Variants in ITPR2 observed in about 807,000 individuals in gnomAD.
ITPR2 encodes inositol 1,4,5-trisphosphate-gated calcium channel ITPR2.
A neutral mutation model predicts 317.1 loss-of-function variants in ITPR2; 207 were observed. The ratio of observed to expected loss-of-function variants is 0.65; its 90% CI spans 0.58 to 0.73. The LOEUF (loss-of-function observed/expected upper bound fraction) is 0.73, where lower values mean the gene tolerates loss of function less well. ITPR2 is among the 30% of genes least tolerant of loss of function. The pLI is 0.00. For missense variants in ITPR2, 2,613 were observed against 3,284.0 expected (o/e 0.80, Z 4.99); for synonymous variants, 1,156 against 1,149.1 (o/e 1.01, Z -0.12).
intron 2 of ITPR2, among the ~76,000 whole-genome samples, chr12:26,747,532 T>C (rs1444071375): frequency 1.3e-5 from 2 of 152,244 alleles, no homozygotes; most frequent in African/African-American, 2.4e-5. Flanking sequence ...ATGTTACTCA[T>C]GCAAATGTTA....
intron 45 of ITPR2, among the ~76,000 whole-genome samples, chr12:26,456,074 A>G (rs1209495185): frequency 6.6e-6 from 1 of 152,218 alleles, no homozygotes; most frequent in Non-Finnish European, 1.5e-5. Context: ...GAGTAACTCC[A>G]TCTTAAACGG....
rs368864862 is a variant in ITPR2, at chr12:26,465,832, T to C, written c.6342+9464A>G. On this transcript the variant is annotated intron_variant, in intron 45 of 56. Coordinates refer to ENST00000381340, the MANE Select transcript of ITPR2 (RefSeq NM_002223.4). The stretch of plus-strand genomic sequence containing the variant: ...CCTACCCACCCCACAACTGCATCTA[T>C]AAAGCACATGCCCCAAAAGGAATCA... 6.6e-5 allele frequency among the ~76,000 whole-genome samples: 10 copies of C among 152,234 alleles called. 1 individual carries two copies. In the East Asian group the frequency reaches 9.7e-4, roughly 15 times the overall value.
intron 37 of ITPR2, among the ~76,000 whole-genome samples, chr12:26,520,963 G>C (rs1943646407): frequency 6.6e-6 from 1 of 152,152 alleles, no homozygotes. Context: ...CTCCTTTTTA[G>C]AGCATCTGGA....
At chr12:26,463,901 C>G (rs960809666) in intron 45 of ITPR2, among the ~76,000 whole-genome samples, 1 of 152,140 alleles carries the variant, frequency 6.6e-6, no homozygotes, top group Non-Finnish European at 1.5e-5. Flanking sequence ...AGAGAAGCTG[C>G]TCTCACACAC....
intron 1 of ITPR2, among the ~76,000 whole-genome samples, chr12:26,811,922 G>C (rs1023665004): frequency 1.3e-5 from 2 of 150,080 alleles, no homozygotes; most frequent in African/African-American, 4.9e-5. Context: ...CCAGCACTTT[G>C]GGAGGCCAAG....
At chr12:26,824,797 T>A (rs1950986828) in intron 1 of ITPR2, among the ~76,000 whole-genome samples, 1 of 152,218 alleles carries the variant, frequency 6.6e-6, no homozygotes, top group Admixed American at 6.5e-5. Context: ...CCATATATAT[T>A]GTTTTGAATA....
intron 37 of ITPR2, among the ~76,000 whole-genome samples, chr12:26,530,929 A>AT (rs988982743): frequency 1.4e-4 from 21 of 152,154 alleles, no homozygotes; most frequent in African/African-American, 4.8e-4. Context: ...TAAATCATAA[A>AT]TTTTTTCAGA....
rs150425593 is a variant in ITPR2, at chr12:26,774,010, T to TTTTC, written c.163+16146_163+16147insGAAA. ...TTTTTTTTTTTTTTTTTTTTTTTTTTAGTATAAAGCATGTAACTCCTGACT... is the reference window on the plus strand; with the variant it reads ...TTTTTTTTTTTTTTTTTTTTTTTTTTTTTCAGTATAAAGCATGTAACTCCTGACT... On this transcript the variant is annotated intron_variant, in intron 2 of 56. Coordinates refer to ENST00000381340, the MANE Select transcript of ITPR2 (RefSeq NM_002223.4). Among the ~76,000 whole-genome samples the TTTTC allele has an allele frequency of 3.9e-4, 44 of 112,114 alleles. 4 individuals carry two copies. Among genetic ancestry groups the TTTTC allele is most frequent in the Non-Finnish European group, 6.4e-4 (34 of 52,986 alleles). 73.6% of individuals were successfully genotyped at this position (112,114 alleles called of 152,430 possible).
At chr12:26,506,975 A>AT (rs1372280245) in intron 37 of ITPR2, among the ~76,000 whole-genome samples, 1 of 152,184 alleles carries the variant, frequency 6.6e-6, no homozygotes, top group Non-Finnish European at 1.5e-5. Flanking sequence ...CTTTTACCTC[A>AT]TTTTTCCTCA....
At chr12:26,689,020 T>C (rs1297882239) in intron 10 of ITPR2, among the ~76,000 whole-genome samples, 1 of 152,196 alleles carries the variant, frequency 6.6e-6, no homozygotes, top group Non-Finnish European at 1.5e-5. Flanking sequence ...AAGTTAACTA[T>C]GTGACATGAT....
At position 26,400,213 on chromosome 12, in the gene ITPR2, A is replaced by G. The variant is rs368549044; in HGVS notation, c.7445T>C (p.Leu2482Pro). 16 of 1,605,386 alleles carry G rather than the reference A, an allele frequency of 1.0e-5. No homozygotes were observed. The highest frequency in any genetic ancestry group is 1.3e-5 in the African/African-American group (1 of 74,768). Residue 2482 changes from leucine (L) to proline (P), a missense_variant, in exon 53 of 57, where the codon CTC becomes CCC. Transcript: ENST00000381340. ...EDGIERTCDT[L>P]LMCIVTVLNQ... is the part of the protein sequence containing the mutation. ...CAGCACGGTGACAATGCACATAAGG[A>G]GAGTGTCACACGTCCTTTCAATTCC...
chr12:26,753,529 T>C (rs539627790), intron 2 of ITPR2, among the ~76,000 whole-genome samples: 2 of 152,118 alleles, frequency 1.3e-5, no homozygotes, highest in East Asian at 1.9e-4. Context: ...GATCTTTCCC[T>C]GGCCTCTCTA....
intron 45 of ITPR2, among the ~76,000 whole-genome samples, chr12:26,451,112 T>C: frequency 6.6e-6 from 1 of 152,176 alleles, no homozygotes; most frequent in East Asian, 1.9e-4. Context: ...TTCATGTTTC[T>C]GAACTTTCAA....
intron 13 of ITPR2, among the ~76,000 whole-genome samples, chr12:26,675,063 A>T (rs1947876433): frequency 6.6e-6 from 1 of 151,940 alleles, no homozygotes. Context: ...GCTGGAGAGG[A>T]TGTGGAGAAA....
At chr12:26,438,947 C>A (rs1057101749) in intron 47 of ITPR2, among the ~76,000 whole-genome samples, 180 bp downstream of exon 47, 1 of 152,100 alleles carries the variant, frequency 6.6e-6, no homozygotes, top group South Asian at 2.1e-4. Context: ...CCTTAAGCTG[C>A]GGGTGTCTCG....
intron 48 of ITPR2, among the ~76,000 whole-genome samples, chr12:26,428,954 C>T (rs1941136033): frequency 6.6e-6 from 1 of 152,140 alleles, no homozygotes; most frequent in Non-Finnish European, 1.5e-5. Context: ...AGAAAGGAAA[C>T]AACAAAATGG....
At chr12:26,469,553 G>T (rs2170979) in intron 45 of ITPR2, among the ~76,000 whole-genome samples, 3 of 152,054 alleles carry the variant, frequency 2.0e-5, no homozygotes, top group Non-Finnish European at 4.4e-5. Flanking sequence ...TCTTTCACCA[G>T]GATCTATTCT....
At chr12:26,544,290 A>C (rs1165109293) in intron 37 of ITPR2, among the ~76,000 whole-genome samples, 1 of 152,226 alleles carries the variant, frequency 6.6e-6, no homozygotes, top group Non-Finnish European at 1.5e-5. Flanking sequence ...TCAAGGAAGA[A>C]TATCCCTAAG....
Position 26,599,305 on chromosome 12 carries a change from T to C in ITPR2, c.3842A>G (p.Asn1281Ser), listed in dbSNP as rs765460672. 70 of 1,613,954 alleles carry C rather than the reference T, an allele frequency of 4.3e-5. No individual in the cohort carries two copies. The Admixed American group carries it at 1.2e-3, about 27-fold the overall frequency. Residue 1281 changes from asparagine to serine, a missense_variant, in exon 30 of 57, where the codon AAT becomes AGT. Physicochemically the swap from Asn to Ser is conservative, Grantham distance 46. Around this residue, in one of 9 missense-constraint regions of ITPR2, gnomAD observed 817 missense variants for 897.6 expected, o/e 0.91. Coordinates refer to ENST00000381340, the MANE Select transcript of ITPR2 (RefSeq NM_002223.4). ...GCTAATTTCGTTGCACAGATGGTAA[T>C]TGTTCATGAAGATGTGCCGCATGGT... ...AETMRHIFMN[N>S]YHLCNEISER...
Sources: allele counts gnomAD v4.1 joint callset (sites outside exome capture counted in the v4.1 genomes callset), GRCh38; gene constraint gnomAD v4.1.1; regional missense constraint gnomAD v4.1.1; transcripts MANE v1.5; gene names NCBI Gene and HGNC (gene_info 2026-07-23, HGNC 2026-07-21).